The following METTL3 variants were observed in gnomAD, a reference collection of about 807,000 sequenced individuals.
METTL3 encodes N(6)-adenosine-methyltransferase catalytic subunit METTL3.
A neutral mutation model predicts 64.3 loss-of-function variants in METTL3; 42 were observed. The observed-to-expected ratio is 0.65, with a 90% CI of 0.51 to 0.84. The LOEUF (loss-of-function observed/expected upper bound fraction) is 0.84. METTL3 is among the 40% of genes least tolerant of loss of function. The pLI, the probability that METTL3 is intolerant of heterozygous loss-of-function variation, is 0.00. For synonymous variants in METTL3, 256 were observed against 263.6 expected, an observed-to-expected ratio of 0.97 and a Z score of 0.28; for missense variants, 435 against 722.3, an observed-to-expected ratio of 0.60 and a Z score of 4.56.
intron 6 of METTL3, among the ~76,000 whole-genome samples, chr14:21,500,234 C>T (rs1594438528): frequency 6.6e-6 from 1 of 151,870 alleles, no homozygotes; most frequent in East Asian, 1.9e-4. Flanking sequence ...GCTGGTGGCA[C>T]GTGCCTGTAA....
chr14:21,506,508 C>T (rs1001119760), intron 1 of METTL3, among the ~76,000 whole-genome samples: 8 of 152,080 alleles, frequency 5.3e-5, no homozygotes, highest in Non-Finnish European at 1.0e-4. Context: ...GAGCCGAGAT[C>T]GCGCTACTGC....
At chr14:21,507,234 TC>T (rs1891719995) in intron 1 of METTL3, among the ~76,000 whole-genome samples, 1 of 151,952 alleles carries the variant, frequency 6.6e-6, no homozygotes, top group Admixed American at 6.6e-5. Flanking sequence ...CTAACAAAGG[TC>T]TCCCAATATT....
intron 6 of METTL3, 64 bp from the exon 7 acceptor site, chr14:21,499,866 G>A: frequency 6.7e-7 from 1 of 1,497,234 alleles, no homozygotes; most frequent in Non-Finnish European, 9.3e-7. Flanking sequence ...CAAAATATGT[G>A]ATGTGTTAAA....
At chr14:21,502,012 CTTTTT>C (rs75402343) in intron 3 of METTL3, 109 bp from the exon 4 acceptor site, 215 of 458,178 alleles carry the variant, frequency 4.7e-4, no homozygotes, top group African/African-American at 9.9e-4. Context: ...GATAAATCAA[CTTTTT>C]TTTTTTTTTT....
In METTL3 at chr14:21,498,217, G is replaced by C. The variant is rs377724885; in HGVS notation, c.*41C>G. 35 of 1,151,302 alleles carry C rather than the reference G, an allele frequency of 3.0e-5. No homozygotes were observed. Among genetic ancestry groups the C allele is most frequent in the Non-Finnish European group, 3.6e-5 (27 of 759,368 alleles). The allele number at this position is 1,151,302 out of a possible 1,614,324, so 71.3% of individuals were successfully genotyped here. A position where few individuals can be genotyped will look rare whatever the true frequency, so the allele number is the denominator to read the frequency against. On this transcript the variant is annotated 3_prime_UTR_variant, in exon 11 of 11. Transcript: ENST00000298717. ...TATCACTCTTCAGGTTTAGCTTACA[G>C]AGCCATGGCTATGGATTCTTAGCTC...
At chr14:21,506,641 C>G (rs931972675) in intron 1 of METTL3, among the ~76,000 whole-genome samples, 2 of 152,108 alleles carry the variant, frequency 1.3e-5, no homozygotes, top group Non-Finnish European at 2.9e-5. Context: ...TTTACAATAG[C>G]CAAAAGGTAG....
intron 1 of METTL3, chr14:21,504,468 TAATAACGATTTGA>T (rs1412877862): frequency 6.6e-6 from 1 of 152,492 alleles, no homozygotes; most frequent in Non-Finnish European, 1.5e-5. Context: ...ATCATAACCT[TAATAACGATTTGA>T]GAAACTAAAA....
chr14:21,511,122 A>C lies in METTL3; in HGVS notation c.100+2T>G. ...CTCGGCCCCAACAGCCCAGTGCCTCACCCAAGTGCCCCGAGTCCTGCTTCC... is the reference window on the plus strand; with the variant it reads ...CTCGGCCCCAACAGCCCAGTGCCTCCCCCAAGTGCCCCGAGTCCTGCTTCC... On this transcript the variant is annotated splice_donor_variant, in intron 1 of 10. Transcript: ENST00000298717. LOFTEE classifies it high-confidence loss of function. 6.2e-7 allele frequency: 1 copy of C among 1,613,742 alleles called. No homozygotes were observed. The highest frequency in any genetic ancestry group is 8.5e-7 in the Non-Finnish European group (1 of 1,179,872).
At chr14:21,500,805 A>G (rs1891547583) in intron 5 of METTL3, 108 bp downstream of exon 5, 1 of 1,417,960 alleles carries the variant, frequency 7.1e-7, no homozygotes, top group Admixed American at 2.1e-5. Flanking sequence ...TCCATTCCCA[A>G]TAAGCAAGAC....
intron 1 of METTL3, 66 bp downstream of exon 1, chr14:21,511,058 T>G: frequency 7.0e-6 from 11 of 1,565,102 alleles, no homozygotes; most frequent in Non-Finnish European, 9.5e-6. Flanking sequence ...ACTCTGGAGC[T>G]TTTTCTCTAG....
Position 21,503,253 on chromosome 14 carries a change from T to G in METTL3, c.643A>C (p.Lys215Gln). ...AGATCAACATCTGAGGCAGCATGTTTCCTTGATTTCTTGGCTGGCTCCTTT... is the reference window on the plus strand; with the variant it reads ...AGATCAACATCTGAGGCAGCATGTTGCCTTGATTTCTTGGCTGGCTCCTTT... ...PAKEPAKKSR[K>Q]HAASDVDLEI... Residue 215 changes from lysine to glutamine, a missense_variant, in exon 3 of 11, where the codon AAA becomes CAA. Physicochemically the swap from Lys to Gln is moderately conservative, Grantham distance 53. Transcript: ENST00000298717. The G allele has an allele frequency of 1.9e-6, 3 of 1,614,208 alleles. No homozygotes were observed. Among genetic ancestry groups the G allele is most frequent in the Non-Finnish European group, 2.5e-6 (3 of 1,180,034 alleles).
intron 1 of METTL3, chr14:21,510,437 A>C (rs1891804709): frequency 6.6e-6 from 1 of 152,212 alleles, no homozygotes; most frequent in African/African-American, 2.4e-5. Flanking sequence ...AGTTTGCCTT[A>C]AATAATTCAG....
At chr14:21,498,809 C>CCCT in intron 10 of METTL3, 1 of 545,894 alleles carries the variant, frequency 1.8e-6, no homozygotes, top group South Asian at 2.2e-5. Context: ...AGTAGAAACC[C>CCCT]TAGGGAGCAG....
At position 21,503,332 on chromosome 14, in the gene METTL3, A is replaced by AGCTGCCTTT; in HGVS notation, c.563_564insAAAGGCAGC (p.Ala188_Ala189insLysAlaAla). ...CAGAGACTAACGAACTGGCAAAGGC[A>AGCTGCCTTT]GCTACTGTAGTCGAGTCCTGTTCTG... On this transcript the variant is annotated inframe_insertion, in exon 3 of 11. Coordinates refer to ENST00000298717, the MANE Select transcript of METTL3 (RefSeq NM_019852.5). 2 of 1,614,190 alleles carry AGCTGCCTTT rather than the reference A, an allele frequency of 1.2e-6. No homozygotes were observed. Among genetic ancestry groups the AGCTGCCTTT allele is most frequent in the Non-Finnish European group, 1.7e-6 (2 of 1,180,032 alleles).
chr14:21,501,408 TA>T, intron 4 of METTL3: 1 of 547,074 alleles, frequency 1.8e-6, no homozygotes, highest in Non-Finnish European at 3.2e-6. Context: ...AACACTGACC[TA>T]AGAGTTTAGG....
intron 1 of METTL3, among the ~76,000 whole-genome samples, chr14:21,509,709 GC>G (rs1271570011): frequency 6.6e-6 from 1 of 151,842 alleles, no homozygotes; most frequent in Non-Finnish European, 1.5e-5. Context: ...AAAAACAAAA[GC>G]AAAAAAAGTC....
At chr14:21,500,878 G>C (rs758035918) in intron 5 of METTL3, 35 bp downstream of exon 5, 2 of 1,589,802 alleles carry the variant, frequency 1.3e-6, no homozygotes, top group Non-Finnish European at 8.6e-7. Flanking sequence ...ACATAAGTCC[G>C]TAAGTTGAGA....
At chr14:21,498,977 CAT>C in intron 10 of METTL3, 46 bp downstream of exon 10, 1 of 1,316,186 alleles carries the variant, frequency 7.6e-7, no homozygotes. Flanking sequence ...TGTCCTTAAT[CAT>C]AAATAATAGC....
Position 21,503,854 on chromosome 14 carries a change from G to A in METTL3, c.128C>T (p.Ser43Phe). The change falls in exon 2 of 11, where the codon TCT becomes TTT. Residue 43 changes from serine to phenylalanine, a missense_variant. Ser to Phe is a radical substitution (Grantham distance 155). Around this residue, in one of 9 missense-constraint regions of METTL3, gnomAD observed 228 missense variants for 279.6 expected, o/e 0.82. Coordinates refer to ENST00000298717, the MANE Select transcript of METTL3 (RefSeq NM_019852.5). Reference protein sequence around the residue: ...LDLRNPEAALSPTFRSDSPVP... With the variant: ...LDLRNPEAALFPTFRSDSPVP... ...TGGGCTGTCACTACGGAAGGTTGGA[G>A]ACAATGCTGCCTCTGGATTCCGTAG... 1 of 1,614,200 alleles carries A rather than the reference G, an allele frequency of 6.2e-7. No homozygotes were observed. The highest frequency in any genetic ancestry group is 1.3e-5 in the African/African-American group (1 of 75,068).
Sources: gnomAD v4.1 joint callset for allele counts (sites outside exome capture counted in the v4.1 genomes callset) on GRCh38, gnomAD v4.1.1 for gene constraint, gnomAD v4.1.1 regional missense constraint, MANE v1.5 for transcripts, NCBI Gene and HGNC (gene_info 2026-07-23, HGNC 2026-07-21) for gene names.